Variants in MEIS2 observed in about 807,000 individuals in gnomAD.
MEIS2 encodes the protein homeobox protein Meis2.
MEIS2 carries 9 observed loss-of-function variants against 58.6 expected under a neutral mutation model. The observed-to-expected ratio is 0.15, with a 90% CI of 0.09 to 0.27. MEIS2 has a LOEUF of 0.27. Among genes scored for constraint, MEIS2 ranks in the 10% least tolerant of loss-of-function variants. MEIS2 has a pLI of 1.00. For synonymous variants in MEIS2, 221 were observed against 228.4 expected, an observed-to-expected ratio of 0.97 and a Z score of 0.29; for missense variants, 427 against 635.0, an observed-to-expected ratio of 0.67 and a Z score of 3.52.
chr15:37,095,261 G>A (rs1215295405), intron 4 of MEIS2, among the ~76,000 whole-genome samples: 2 of 151,184 alleles, frequency 1.3e-5, no homozygotes, highest in African/African-American at 4.9e-5. Context: ...GGCAAACAGA[G>A]GAAATAACTC....
At chr15:37,010,114 A>G (rs2061080815) in intron 8 of MEIS2, among the ~76,000 whole-genome samples, 1 of 151,958 alleles carries the variant, frequency 6.6e-6, no homozygotes, top group Non-Finnish European at 1.5e-5. Flanking sequence ...TTGAGACAGA[A>G]TCTTGTTCTG....
At chr15:36,922,216 A>G (rs1023583093) in intron 9 of MEIS2, among the ~76,000 whole-genome samples, 1 of 152,224 alleles carries the variant, frequency 6.6e-6, no homozygotes, top group African/African-American at 2.4e-5. Context: ...GCTTTGCAAC[A>G]GTGAACAAGC....
chr15:37,093,882 T>C, intron 5 of MEIS2, 152 bp from the exon 6 acceptor site: 1 of 935,932 alleles, frequency 1.1e-6, no homozygotes, highest in Non-Finnish European at 1.6e-6. Context: ...TTAAAGGGTG[T>C]AATAGTTGAA....
intron 8 of MEIS2, among the ~76,000 whole-genome samples, chr15:37,027,758 C>CT (rs895723615): frequency 1.4e-4 from 21 of 148,150 alleles, no homozygotes; most frequent in East Asian, 3.9e-4. Flanking sequence ...CATTCAATTC[C>CT]TTTTTTTTTT....
intron 8 of MEIS2, among the ~76,000 whole-genome samples, chr15:37,002,676 G>C (rs1013869909): frequency 6.6e-6 from 1 of 151,958 alleles, no homozygotes; most frequent in African/African-American, 2.4e-5. Context: ...GTATTTTAGT[G>C]GTAGGGATTA....
intron 9 of MEIS2, among the ~76,000 whole-genome samples, chr15:36,916,786 A>G (rs1270919786): frequency 6.6e-6 from 1 of 152,150 alleles, no homozygotes; most frequent in Non-Finnish European, 1.5e-5. Context: ...GCTTTCATCC[A>G]TATTATTATA....
chr15:36,890,384 T>G lies in MEIS2; in HGVS notation c.*1789A>C, dbSNP rs1490978184. Reference sequence around the variant, plus strand: ...TGGCATTATACCGTCCATTTTGTTTTGTTTTGTTTTCAGAAAAAAGTTTAA... The same window carrying G: ...TGGCATTATACCGTCCATTTTGTTTGGTTTTGTTTTCAGAAAAAAGTTTAA... On this transcript the variant is annotated 3_prime_UTR_variant, in exon 12 of 12. Coordinates refer to ENST00000561208, the MANE Select transcript of MEIS2 (RefSeq NM_170675.5). The G allele has an allele frequency of 6.6e-6, 1 of 152,156 alleles. No individual in the cohort carries two copies. Among genetic ancestry groups the G allele is most frequent in the Admixed American group, 6.5e-5 (1 of 15,276 alleles). The allele number at this position is 152,156 out of a possible 1,614,324, so 9.4% of individuals were successfully genotyped here. A position where few individuals can be genotyped will look rare whatever the true frequency, so the allele number is the denominator to read the frequency against.
At chr15:36,992,409 T>C (rs970242417) in intron 8 of MEIS2, among the ~76,000 whole-genome samples, 2 of 152,154 alleles carry the variant, frequency 1.3e-5, no homozygotes, top group East Asian at 3.9e-4. Context: ...CATTTTGAAA[T>C]AGTGCCTCAA....
intron 7 of MEIS2, among the ~76,000 whole-genome samples, chr15:37,066,792 G>A (rs1275314208): frequency 6.6e-6 from 1 of 152,008 alleles, no homozygotes; most frequent in African/African-American, 2.4e-5. Context: ...TTTATTTTTT[G>A]TAGAGATGTG....
At position 36,895,403 on chromosome 15, in the gene MEIS2, T is replaced by C. The variant is rs192006383; in HGVS notation, c.1037-142A>G. ...CAAATGGGGGTGTGGTTTGTCTGAG[T>C]GTCTTGATGACTGAGTGAAGGTGTG... On this transcript the variant is annotated intron_variant, in intron 10 of 11. Transcript: ENST00000561208. The C allele has an allele frequency of 9.0e-6, 6 of 668,470 alleles. No homozygotes were observed. In the East Asian group the frequency reaches 1.4e-4, roughly 15 times the overall value. The allele number at this position is 668,470 out of a possible 1,614,324, so 41.4% of individuals were successfully genotyped here.
intron 7 of MEIS2, among the ~76,000 whole-genome samples, chr15:37,069,759 AC>A (rs1361361212): frequency 1.3e-5 from 2 of 152,172 alleles, no homozygotes; most frequent in South Asian, 4.1e-4. Flanking sequence ...TAGATGCAAC[AC>A]CCATCAGTGG....
intron 7 of MEIS2, among the ~76,000 whole-genome samples, chr15:37,075,439 A>G (rs1891273846): frequency 6.6e-6 from 1 of 152,104 alleles, no homozygotes; most frequent in African/African-American, 2.4e-5. Context: ...GTAAAACAAA[A>G]TAATTTTTAT....
At chr15:37,037,733 A>G (rs936351064) in intron 7 of MEIS2, among the ~76,000 whole-genome samples, 3 of 152,230 alleles carry the variant, frequency 2.0e-5, no homozygotes, top group African/African-American at 7.2e-5. Flanking sequence ...CATCTAAATT[A>G]TGTATCTGAA....
At chr15:37,066,722 C>G (rs1019507760) in intron 7 of MEIS2, among the ~76,000 whole-genome samples, 1 of 152,198 alleles carries the variant, frequency 6.6e-6, no homozygotes, top group African/African-American at 2.4e-5. Context: ...ATCCTAATCA[C>G]ACAGAAATGT....
intron 9 of MEIS2, among the ~76,000 whole-genome samples, chr15:36,941,586 A>C (rs1368083884): frequency 1.3e-5 from 2 of 152,226 alleles, no homozygotes; most frequent in Admixed American, 1.3e-4. Flanking sequence ...TATAATTTTT[A>C]AGTGAACTAA....
At chr15:37,030,747 G>A (rs1209820556) in intron 8 of MEIS2, among the ~76,000 whole-genome samples, 1 of 151,530 alleles carries the variant, frequency 6.6e-6, no homozygotes, top group East Asian at 1.9e-4. Context: ...TTGACTCCTG[G>A]GCTCCACCTC....
intron 9 of MEIS2, among the ~76,000 whole-genome samples, chr15:36,913,745 C>G (rs916121298): frequency 2.0e-5 from 3 of 151,732 alleles, no homozygotes; most frequent in African/African-American, 4.8e-5. Context: ...AAAAAAAAAG[C>G]TTAAGGAGAT....
chr15:36,902,518 AC>A (rs1444600904), intron 9 of MEIS2, among the ~76,000 whole-genome samples: 1 of 152,172 alleles, frequency 6.6e-6, no homozygotes, highest in African/African-American at 2.4e-5. Context: ...TAGCAACATC[AC>A]CTTGAGCTTG....
chr15:36,906,339 C>T (rs548997148), intron 9 of MEIS2, among the ~76,000 whole-genome samples: 29 of 151,992 alleles, frequency 1.9e-4, no homozygotes, highest in African/African-American at 7.0e-4. Flanking sequence ...CTTGTCCAAT[C>T]CAGGCAGAAG....
Sources: gnomAD v4.1 joint callset for allele counts (sites outside exome capture counted in the v4.1 genomes callset) on GRCh38, gnomAD v4.1.1 for gene constraint, MANE v1.5 for transcripts, NCBI Gene and HGNC (gene_info 2026-07-23, HGNC 2026-07-21) for gene names.